The following STK32B variants were observed in gnomAD, a reference collection of about 807,000 sequenced individuals.
The protein encoded by STK32B is serine/threonine-protein kinase 32B.
Under a neutral mutation model 52.6 loss-of-function variants are expected in STK32B, and 43 were observed. The observed-to-expected ratio is 0.82, with a 90% CI of 0.64 to 1.05. The LOEUF (loss-of-function observed/expected upper bound fraction) is 1.05, where lower values mean the gene tolerates loss of function less well. STK32B is among the 50% of genes least tolerant of loss of function. The pLI is 0.00. For synonymous variants in STK32B, 238 were observed against 204.3 expected, an observed-to-expected ratio of 1.17 and a Z score of -1.41; for missense variants, 621 against 534.6, an observed-to-expected ratio of 1.16 and a Z score of -1.59.
chr4:5,420,309 C>T (rs1027568928), intron 6 of STK32B, among the ~76,000 whole-genome samples: 1 of 152,172 alleles, frequency 6.6e-6, no homozygotes, highest in African/African-American at 2.4e-5. Flanking sequence ...TGAACACTTA[C>T]TCCAACAAGG....
At chr4:5,294,552 A>T (rs1445318497) in intron 3 of STK32B, among the ~76,000 whole-genome samples, 1 of 152,006 alleles carries the variant, frequency 6.6e-6, no homozygotes, top group Non-Finnish European at 1.5e-5. Context: ...ATGGGAGTTC[A>T]CTCATGATTT....
intron 3 of STK32B, among the ~76,000 whole-genome samples, chr4:5,181,367 C>CAG (rs80285878): frequency 1.0e-5 from 1 of 96,326 alleles, no homozygotes; most frequent in Non-Finnish European, 2.7e-5. Flanking sequence ...CACACACACA[C>CAG]AGAGATCTCA....
intron 1 of STK32B, among the ~76,000 whole-genome samples, chr4:5,064,801 A>T (rs527964304): frequency 5.2e-5 from 5 of 95,844 alleles, no homozygotes; most frequent in Non-Finnish European, 9.8e-5. Context: ...ATATATACTT[A>T]TGTTGTATAC....
intron 4 of STK32B, among the ~76,000 whole-genome samples, chr4:5,393,646 A>G (rs1483521562): frequency 3.9e-5 from 6 of 152,080 alleles, no homozygotes; most frequent in South Asian, 2.1e-4. Context: ...AACAACCACA[A>G]CTCACTATCA....
At chr4:5,341,995 CT>C (rs1336830414) in intron 4 of STK32B, among the ~76,000 whole-genome samples, 3 of 152,134 alleles carry the variant, frequency 2.0e-5, no homozygotes, top group African/African-American at 7.2e-5. Flanking sequence ...TCCCTCCCCT[CT>C]CCCCCTACTC....
chr4:5,084,461 G>GA (rs1021462278), intron 1 of STK32B, among the ~76,000 whole-genome samples: 2 of 151,992 alleles, frequency 1.3e-5, no homozygotes, highest in African/African-American at 2.4e-5. Context: ...TTGAAGACAT[G>GA]AAAAAAATGA....
chr4:5,161,431 C>T (rs900674321), intron 2 of STK32B, among the ~76,000 whole-genome samples: 2 of 152,168 alleles, frequency 1.3e-5, no homozygotes, highest in African/African-American at 4.8e-5. Context: ...ATCTCTGAGA[C>T]TTTCTTGGCC....
chr4:5,132,582 C>T (rs997313070), intron 1 of STK32B, among the ~76,000 whole-genome samples: 3 of 152,104 alleles, frequency 2.0e-5, no homozygotes, highest in Non-Finnish European at 4.4e-5. Flanking sequence ...GAATGTGACA[C>T]CTCTGGAAGC....
At chr4:5,404,820 G>A (rs1440975048) in intron 5 of STK32B, among the ~76,000 whole-genome samples, 4 of 151,570 alleles carry the variant, frequency 2.6e-5, no homozygotes, top group East Asian at 1.9e-4. Flanking sequence ...GGAGGAAAAG[G>A]GACTCAATTA....
chr4:5,140,074 G>C, intron 2 of STK32B, 114 bp downstream of exon 2: 2 of 1,492,532 alleles, frequency 1.3e-6, no homozygotes, highest in Non-Finnish European at 1.9e-6. Context: ...ATTTCGACTT[G>C]ACAAACTTGA....
At chr4:5,127,867 C>G (rs7687709) in intron 1 of STK32B, among the ~76,000 whole-genome samples, 23,100 of 151,910 alleles carry the variant, frequency 0.15, 1,835 homozygotes, top group African/African-American at 0.21. Flanking sequence ...CCCAGCTGTT[C>G]TCGTGATAGT....
chr4:5,182,831 T>A (rs1425171702), intron 3 of STK32B, among the ~76,000 whole-genome samples: 1 of 144,576 alleles, frequency 6.9e-6, no homozygotes, highest in Non-Finnish European at 1.6e-5. Flanking sequence ...GCAGGATAGA[T>A]GTTATGTTAG....
At chr4:5,255,798 T>C (rs1416984442) in intron 3 of STK32B, among the ~76,000 whole-genome samples, 11 of 152,236 alleles carry the variant, frequency 7.2e-5, no homozygotes, top group Admixed American at 7.2e-4. Context: ...TTCTACTATA[T>C]GAATATACTC....
chr4:5,462,469 T>C (rs762357636), intron 9 of STK32B, among the ~76,000 whole-genome samples: 11 of 152,084 alleles, frequency 7.2e-5, no homozygotes, highest in Non-Finnish European at 1.3e-4. Context: ...GGGCAATGGC[T>C]CAATGCTGGG....
chr4:5,479,372 C>T (rs768574296), intron 11 of STK32B, among the ~76,000 whole-genome samples: 9 of 152,030 alleles, frequency 5.9e-5, no homozygotes, highest in African/African-American at 9.7e-5. Context: ...ACCCACCTCA[C>T]CCTCCCAAAG....
At chr4:5,486,485 C>G (rs1203564088) in intron 11 of STK32B, among the ~76,000 whole-genome samples, 1 of 152,164 alleles carries the variant, frequency 6.6e-6, no homozygotes, top group Admixed American at 6.5e-5. Context: ...CATCTGTCAC[C>G]CCTTTCTTTG....
At position 5,473,478 on chromosome 4, in the gene STK32B, C is replaced by G. The variant is rs115291150; in HGVS notation, c.1106+5408C>G. ...TGAGCTGGTTATGCTTATTCCCCCCCATTTCACAGGTTAGGAAGTACAGGC... is the reference window on the plus strand; with the variant it reads ...TGAGCTGGTTATGCTTATTCCCCCCGATTTCACAGGTTAGGAAGTACAGGC... On this transcript the variant is annotated intron_variant, in intron 11 of 11. Coordinates refer to ENST00000282908, the MANE Select transcript of STK32B (RefSeq NM_018401.3). Among the ~76,000 whole-genome samples, 1,242 of 152,302 alleles carry G rather than the reference C, an allele frequency of 8.2e-3. 16 individuals are homozygous for G. The highest frequency in any genetic ancestry group is 0.028 in the African/African-American group (1,151 of 41,576).
chr4:5,120,836 AT>A (rs1166008979), intron 1 of STK32B, among the ~76,000 whole-genome samples: 1 of 151,416 alleles, frequency 6.6e-6, no homozygotes, highest in Non-Finnish European at 1.5e-5. Flanking sequence ...AATATACATA[AT>A]TTCTATATAT....
intron 9 of STK32B, among the ~76,000 whole-genome samples, chr4:5,464,081 C>G (rs955780504): frequency 6.6e-6 from 1 of 152,138 alleles, no homozygotes; most frequent in African/African-American, 2.4e-5. Flanking sequence ...GCAGGTGTGT[C>G]ACGTGGCAGG....
Sources: gnomAD v4.1 joint callset for allele counts (sites outside exome capture counted in the v4.1 genomes callset) on GRCh38, gnomAD v4.1.1 for gene constraint, MANE v1.5 for transcripts, NCBI Gene and HGNC (gene_info 2026-07-23, HGNC 2026-07-21) for gene names.